FSIP1: variants seen among roughly 807,000 people sequenced by gnomAD.
FSIP1 encodes the protein fibrous sheath-interacting protein 1.
A neutral mutation model predicts 60.9 loss-of-function variants in FSIP1; 65 were observed. The ratio of observed to expected loss-of-function variants is 1.07; its 90% confidence interval spans 0.87 to 1.31. The LOEUF (loss-of-function observed/expected upper bound fraction) is 1.31, where lower values mean the gene tolerates loss of function less well. Ranked by LOEUF, FSIP1 falls within the 40% of genes most tolerant of loss-of-function variation. The pLI is 0.00. For missense variants in FSIP1, 675 were observed against 665.5 expected (o/e 1.01, Z -0.16); for synonymous variants, 209 against 221.2 (o/e 0.94, Z 0.49).
At chr15:39,750,373 C>A (rs1346963856) in intron 5 of FSIP1, among the ~76,000 whole-genome samples, 2 of 151,938 alleles carry the variant, frequency 1.3e-5, no homozygotes, top group Non-Finnish European at 2.9e-5. Context: ...AGGCATCACA[C>A]AGAAAGGTGA....
intron 1 of FSIP1, among the ~76,000 whole-genome samples, chr15:39,778,149 TG>T (rs1213285282): frequency 2.0e-5 from 3 of 152,218 alleles, no homozygotes; most frequent in Non-Finnish European, 4.4e-5. Context: ...TGTGGGATGA[TG>T]GATCACCCTG....
chr15:39,639,872 A>G (rs550436553), intron 10 of FSIP1, among the ~76,000 whole-genome samples: 1 of 152,350 alleles, frequency 6.6e-6, no homozygotes, highest in Non-Finnish European at 1.5e-5. Flanking sequence ...TAGTTATAAA[A>G]GTTTAGTCAT....
intron 11 of FSIP1, among the ~76,000 whole-genome samples, chr15:39,610,575 A>T (rs1337164135): frequency 6.6e-6 from 1 of 152,330 alleles, no homozygotes; most frequent in African/African-American, 2.4e-5. Flanking sequence ...CTGAGGCAGG[A>T]GAATCGCTTG....
intron 10 of FSIP1, among the ~76,000 whole-genome samples, chr15:39,701,768 T>A (rs755118355): frequency 6.6e-6 from 1 of 152,238 alleles, no homozygotes; most frequent in Non-Finnish European, 1.5e-5. Context: ...TGGAACTGAC[T>A]CTATAGTGTG....
At chr15:39,654,273 G>A (rs892812971) in intron 10 of FSIP1, among the ~76,000 whole-genome samples, 2 of 152,160 alleles carry the variant, frequency 1.3e-5, no homozygotes, top group Admixed American at 1.3e-4. Context: ...ATGCATAATT[G>A]TATGTGCCAT....
chr15:39,732,605 G>A (rs1896448221), intron 8 of FSIP1, among the ~76,000 whole-genome samples: 1 of 117,552 alleles, frequency 8.5e-6, no homozygotes, highest in South Asian at 2.9e-4. Context: ...GGTGACAAGA[G>A]TGAAACTCCA....
chr15:39,626,747 A>C (rs1282057240), intron 10 of FSIP1, among the ~76,000 whole-genome samples: 1 of 152,176 alleles, frequency 6.6e-6, no homozygotes, highest in East Asian at 1.9e-4. Flanking sequence ...AGGCCTCCCC[A>C]GCCATTCGGA....
chr15:39,748,556 G>T (rs893512423), intron 5 of FSIP1, among the ~76,000 whole-genome samples: 1 of 152,028 alleles, frequency 6.6e-6, no homozygotes, highest in Non-Finnish European at 1.5e-5. Context: ...ATTCTCCCCT[G>T]CAGCACATCC....
chr15:39,732,544 G>A (rs1431674353), intron 8 of FSIP1, among the ~76,000 whole-genome samples: 13 of 151,146 alleles, frequency 8.6e-5, no homozygotes, highest in African/African-American at 1.5e-4. Flanking sequence ...ACTTGAGCCC[G>A]GGAGGCAGGG....
chr15:39,762,639 T>C (rs1897541667), intron 5 of FSIP1, among the ~76,000 whole-genome samples: 1 of 152,214 alleles, frequency 6.6e-6, no homozygotes, highest in African/African-American at 2.4e-5. Flanking sequence ...TTGGGTAACC[T>C]GACCTCTTAC....
At chr15:39,648,213 A>G (rs62002417) in intron 10 of FSIP1, among the ~76,000 whole-genome samples, 2 of 88,056 alleles carry the variant, frequency 2.3e-5, no homozygotes, top group Non-Finnish European at 4.6e-5. Context: ...AATTGCTACC[A>G]AAAAAAAAAA....
rs79323627 is a variant in FSIP1, at chr15:39,629,745, A to G, written c.1189-11500T>C. On this transcript the variant is annotated intron_variant, in intron 10 of 11. Coordinates refer to ENST00000350221, the MANE Select transcript of FSIP1 (RefSeq NM_152597.5). Reference sequence around the variant, plus strand: ...CATTTTATAGGAGCCTCGTTGAATCAGAATGACTTAACCTGAAGAGGTGAT... The same window carrying G: ...CATTTTATAGGAGCCTCGTTGAATCGGAATGACTTAACCTGAAGAGGTGAT... Among the ~76,000 whole-genome samples the G allele has an allele frequency of 7.3e-4, 112 of 152,382 alleles. 1 individual carries two copies. The East Asian group carries it at 0.021, about 28-fold the overall frequency.
chr15:39,780,172 C>T (rs1214451886), intron 1 of FSIP1, among the ~76,000 whole-genome samples: 1 of 152,170 alleles, frequency 6.6e-6, no homozygotes, highest in African/African-American at 2.4e-5. Context: ...CGACTCCTCC[C>T]CAACGCAGAC....
rs778175994 is a variant in FSIP1 at position 39,763,865 on chromosome 15, G to C, written c.515C>G (p.Thr172Arg). 6.2e-7 allele frequency: 1 copy of C among 1,600,718 alleles called. No individual in the cohort carries two copies. Among genetic ancestry groups the C allele is most frequent in the Non-Finnish European group, 8.6e-7 (1 of 1,168,600 alleles). The change falls in exon 5 of 12, where the codon ACA becomes AGA. Residue 172 changes from threonine (T) to arginine (R), a missense_variant. Thr to Arg is a moderately conservative substitution (Grantham distance 71). Coordinates refer to ENST00000350221, the MANE Select transcript of FSIP1 (RefSeq NM_152597.5). ...AWQSKEEMEN[T>R]KKFLSLTAVS... ...AGCAGTCAAAGATAAAAATTTTTTTGTATTTTCCATCTCCTCTTTACTTTG... is the reference window on the plus strand; with the variant it reads ...AGCAGTCAAAGATAAAAATTTTTTTCTATTTTCCATCTCCTCTTTACTTTG...
rs138292177 is a variant in FSIP1, at chr15:39,708,622, C to T, written c.1188+4822G>A. Among the ~76,000 whole-genome samples the T allele has an allele frequency of 1.1e-4, 16 of 152,258 alleles. No individual in the cohort carries two copies. In the East Asian group the frequency reaches 1.7e-3, roughly 17 times the overall value. On this transcript the variant is annotated intron_variant, in intron 10 of 11. Transcript: ENST00000350221. ...ACCAACACACACAAAACACACTAGTCCCTTCTTTGCTGGGCTAAATAAATA... is the reference window on the plus strand; with the variant it reads ...ACCAACACACACAAAACACACTAGTTCCTTCTTTGCTGGGCTAAATAAATA...
chr15:39,688,527 T>C (rs2664125), intron 10 of FSIP1, among the ~76,000 whole-genome samples: 94,280 of 152,052 alleles, frequency 0.62, 31,039 homozygotes, highest in Non-Finnish European at 0.76. Flanking sequence ...CATATGGCTT[T>C]TGCACCATCA....
At chr15:39,610,513 AAAAT>A (rs1299949480) in intron 11 of FSIP1, among the ~76,000 whole-genome samples, 1 of 152,184 alleles carries the variant, frequency 6.6e-6, no homozygotes, top group East Asian at 1.9e-4. Context: ...TAAAAATACA[AAAAT>A]TTGCTGGGCA....
chr15:39,674,941 C>T (rs1427692899), intron 10 of FSIP1, among the ~76,000 whole-genome samples: 1 of 151,748 alleles, frequency 6.6e-6, no homozygotes, highest in Non-Finnish European at 1.5e-5. Flanking sequence ...ATCTGTATAA[C>T]CACCAAAAGA....
chr15:39,673,691 C>T (rs1051297272), intron 10 of FSIP1, among the ~76,000 whole-genome samples: 6 of 152,214 alleles, frequency 3.9e-5, no homozygotes, highest in Middle Eastern at 3.4e-3. Flanking sequence ...ATATTTTATG[C>T]ATGTATTTGT....
Sources: allele counts gnomAD v4.1 joint callset (sites outside exome capture counted in the v4.1 genomes callset), GRCh38; gene constraint gnomAD v4.1.1; transcripts MANE v1.5; gene names NCBI Gene and HGNC (gene_info 2026-07-23, HGNC 2026-07-21).